FMN2: variants seen among roughly 807,000 people sequenced by gnomAD.
The protein encoded by FMN2 is formin-2.
Under a neutral mutation model 142.3 loss-of-function variants are expected in FMN2, and 51 were observed. That is an observed-to-expected ratio of 0.36 (90% CI 0.29 to 0.45). The LOEUF (loss-of-function observed/expected upper bound fraction) is 0.45, where lower values mean the gene tolerates loss of function less well. Among genes scored for constraint, FMN2 ranks in the 20% least tolerant of loss-of-function variants. FMN2 has a pLI of 1.00. For missense variants in FMN2, 1,936 were observed against 2,122.8 expected (o/e 0.91, Z 1.73); for synonymous variants, 882 against 869.8 (o/e 1.01, Z -0.25).
At chr1:240,271,478 C>G (rs1167784959) in intron 7 of FMN2, among the ~76,000 whole-genome samples, 1 of 151,072 alleles carries the variant, frequency 6.6e-6, no homozygotes, top group Non-Finnish European at 1.5e-5. Flanking sequence ...TGCTTCATGC[C>G]CCCATTTTTT....
At chr1:240,222,534 C>T (rs1199769801) in intron 6 of FMN2, among the ~76,000 whole-genome samples, 3 of 151,640 alleles carry the variant, frequency 2.0e-5, no homozygotes, top group Non-Finnish European at 4.4e-5. Flanking sequence ...TGAAGGAAGT[C>T]AATGGTAGCT....
In FMN2 at chr1:240,180,711, C is replaced by T. The variant is rs376925692; in HGVS notation, c.1930+2643C>T. ...CCTCCGGAGTAGCTGGGATTACATG[C>T]GCCCAACACCATGCCAAGCTAATTT... On this transcript the variant is annotated intron_variant, in intron 3 of 17. Coordinates refer to ENST00000319653, the MANE Select transcript of FMN2 (RefSeq NM_020066.5). Among the ~76,000 whole-genome samples, 138 of 151,690 alleles carry T rather than the reference C, an allele frequency of 9.1e-4. 2 individuals are homozygous for T. In the South Asian group the frequency reaches 0.025, roughly 28 times the overall value.
intron 13 of FMN2, among the ~76,000 whole-genome samples, chr1:240,351,279 G>T (rs545310345): frequency 2.0e-5 from 3 of 152,150 alleles, no homozygotes; most frequent in Admixed American, 6.5e-5. Flanking sequence ...GTATACAGTT[G>T]GGAATTCTAA....
rs143705468 is a variant in FMN2 at position 240,194,398 on chromosome 1, T to C, written c.1986+6136T>C. The stretch of plus-strand genomic sequence containing the variant: ...ATGGTAAGGACAGATTTTATATCAG[T>C]GGCAACTATTGCGCTAGGGAAGAGT... On this transcript the variant is annotated intron_variant, in intron 4 of 17. Coordinates refer to ENST00000319653, the MANE Select transcript of FMN2 (RefSeq NM_020066.5). Among the ~76,000 whole-genome samples the C allele has an allele frequency of 3.0e-3, 455 of 152,306 alleles. 1 individual carries two copies. Among genetic ancestry groups the C allele is most frequent in the Non-Finnish European group, 4.5e-3 (305 of 68,028 alleles).
intron 6 of FMN2, among the ~76,000 whole-genome samples, chr1:240,233,646 T>G (rs1667602868): frequency 6.6e-6 from 1 of 152,158 alleles, no homozygotes; most frequent in East Asian, 1.9e-4. Context: ...GACCACCTCA[T>G]TAATTAATTA....
chr1:240,267,897 A>G (rs1668872293), intron 7 of FMN2, among the ~76,000 whole-genome samples: 1 of 152,066 alleles, frequency 6.6e-6, no homozygotes, highest in Non-Finnish European at 1.5e-5. Context: ...GTGGCCAACA[A>G]ACATACGAAA....
chr1:240,123,125 T>G (rs1662349327), intron 1 of FMN2, 54 bp from the exon 2 acceptor site: 1 of 1,600,726 alleles, frequency 6.2e-7, no homozygotes, highest in Non-Finnish European at 8.5e-7. Context: ...CCTGGCGAGT[T>G]CAGAGCCAGG....
In FMN2 at chr1:240,145,349, G is replaced by A. The variant is rs531408850; in HGVS notation, c.1782+22004G>A. On this transcript the variant is annotated intron_variant, in intron 2 of 17. Transcript: ENST00000319653. ...TGGGGGCTGCTGGGACTGCACCAGC[G>A]TCTTGTCCCATCCTCCCTCCTCCAT... is the stretch of plus-strand genomic sequence containing the variant. The A allele has an allele frequency of 4.4e-4, 352 of 807,182 alleles. 3 individuals are homozygous for A. Among genetic ancestry groups the A allele is most frequent in the South Asian group, 2.9e-3 (141 of 48,152 alleles). 50.0% of individuals were successfully genotyped at this position (807,182 alleles called of 1,614,324 possible).
intron 2 of FMN2, among the ~76,000 whole-genome samples, chr1:240,152,667 C>T (rs759589466): frequency 2.1e-4 from 32 of 152,150 alleles, no homozygotes; most frequent in Non-Finnish European, 4.7e-4. Context: ...GACAACATCC[C>T]GAGAAACTAA....
chr1:240,443,067 G>A (rs560526179), intron 16 of FMN2, among the ~76,000 whole-genome samples: 6 of 152,194 alleles, frequency 3.9e-5, no homozygotes, highest in Non-Finnish European at 8.8e-5. Context: ...CCTGGTCATG[G>A]CTCCCTACAA....
intron 2 of FMN2, among the ~76,000 whole-genome samples, chr1:240,159,972 T>TACACACACAC (rs767025880): frequency 1.2e-4 from 15 of 126,450 alleles, no homozygotes; most frequent in African/African-American, 4.4e-4. Flanking sequence ...TATATATATA[T>TACACACACAC]ATACACACAC....
At chr1:240,307,237 GCT>G (rs34068875) in intron 8 of FMN2, among the ~76,000 whole-genome samples, 34,385 of 151,902 alleles carry the variant, frequency 0.23, 6,968 homozygotes, top group African/African-American at 0.55. Context: ...TTGTGCAGAA[GCT>G]CTCTTTGGTT....
At chr1:240,142,699 T>A in intron 2 of FMN2, 1 of 1,611,344 alleles carries the variant, frequency 6.2e-7, no homozygotes, top group Non-Finnish European at 8.5e-7. Flanking sequence ...TTCCGAAGGA[T>A]AACAAAACTT....
At chr1:240,406,007 A>G (rs151092894) in intron 15 of FMN2, among the ~76,000 whole-genome samples, 2,438 of 121,070 alleles carry the variant, frequency 0.02, 53 homozygotes, top group African/African-American at 0.07. Flanking sequence ...AAGCAGCCTC[A>G]GGAGTGGGGG....
At chr1:240,252,115 G>T (rs879876224) in intron 6 of FMN2, among the ~76,000 whole-genome samples, 3 of 152,110 alleles carry the variant, frequency 2.0e-5, no homozygotes, top group African/African-American at 7.2e-5. Context: ...CACCATTTCG[G>T]CCAGGTTGGT....
chr1:240,456,986 T>G (rs543390694), intron 16 of FMN2, among the ~76,000 whole-genome samples: 1 of 152,288 alleles, frequency 6.6e-6, no homozygotes, highest in East Asian at 1.9e-4. Flanking sequence ...CTTTGTCCTC[T>G]TCATTGTTCT....
intron 14 of FMN2, among the ~76,000 whole-genome samples, chr1:240,373,318 G>A (rs1672935289): frequency 6.6e-6 from 1 of 152,142 alleles, no homozygotes; most frequent in African/African-American, 2.4e-5. Flanking sequence ...TATTGGGGTA[G>A]CTGTGGCAGT....
chr1:240,158,402 T>C (rs1664124474), intron 2 of FMN2, among the ~76,000 whole-genome samples: 1 of 152,168 alleles, frequency 6.6e-6, no homozygotes, highest in Non-Finnish European at 1.5e-5. Flanking sequence ...ATTGATGTTA[T>C]ATAATTTATT....
At chr1:240,399,091 G>A (rs10495468) in intron 15 of FMN2, among the ~76,000 whole-genome samples, 83,692 of 151,860 alleles carry the variant, frequency 0.55, 24,887 homozygotes, top group African/African-American at 0.78. Context: ...CCATGGCTCC[G>A]AGGATTTATC....
Sources: allele counts gnomAD v4.1 joint callset (sites outside exome capture counted in the v4.1 genomes callset), GRCh38; gene constraint gnomAD v4.1.1; transcripts MANE v1.5; gene names NCBI Gene and HGNC (gene_info 2026-07-23, HGNC 2026-07-21).